The following CELF4 variants were observed in gnomAD, a reference collection of about 807,000 sequenced individuals.
The protein encoded by CELF4 is CUGBP Elav-like family member 4.
CELF4 carries 18 observed loss-of-function variants against 59.9 expected under a neutral mutation model. The ratio of observed to expected loss-of-function variants is 0.30; its 90% CI spans 0.21 to 0.45. CELF4 has a LOEUF of 0.45. CELF4 is among the 20% of genes least tolerant of loss of function. The pLI is 1.00. For synonymous variants in CELF4, 261 were observed against 267.1 expected (o/e 0.98, Z 0.22); for missense variants, 456 against 689.0 (o/e 0.66, Z 3.79).
At chr18:37,478,659 G>T (rs540743592) in intron 2 of CELF4, among the ~76,000 whole-genome samples, 2 of 152,220 alleles carry the variant, frequency 1.3e-5, no homozygotes, top group Non-Finnish European at 2.9e-5. Flanking sequence ...AGATTGAAAA[G>T]ATTTTGCATG....
intron 2 of CELF4, among the ~76,000 whole-genome samples, chr18:37,326,703 G>T (rs1337529897): frequency 6.6e-6 from 1 of 152,158 alleles, no homozygotes; most frequent in Non-Finnish European, 1.5e-5. Context: ...CTTCCAGCCG[G>T]GCGCCCCTCT....
chr18:37,304,567 G>T (rs1248231742), intron 3 of CELF4, among the ~76,000 whole-genome samples: 2 of 37,138 alleles, frequency 5.4e-5, no homozygotes, highest in African/African-American at 1.3e-4. Flanking sequence ...CAAGAATAAA[G>T]AAATGAGCTT....
intron 1 of CELF4, among the ~76,000 whole-genome samples, chr18:37,513,232 G>A (rs2099946578): frequency 2.0e-5 from 3 of 152,162 alleles, no homozygotes; most frequent in Non-Finnish European, 4.4e-5. Context: ...GGAAAACTCT[G>A]TGGTATCCCC....
At chr18:37,409,992 G>A (rs1161429844) in intron 2 of CELF4, among the ~76,000 whole-genome samples, 1 of 152,180 alleles carries the variant, frequency 6.6e-6, no homozygotes, top group Admixed American at 6.5e-5. Flanking sequence ...TTGGTTGGCT[G>A]CTAATATTGG....
At chr18:37,463,626 A>G (rs1350982009) in intron 2 of CELF4, among the ~76,000 whole-genome samples, 1 of 152,100 alleles carries the variant, frequency 6.6e-6, no homozygotes, top group Non-Finnish European at 1.5e-5. Flanking sequence ...CTACGATGCC[A>G]GCCCTCCAGG....
chr18:37,514,289 C>T (rs1031173822), intron 1 of CELF4, among the ~76,000 whole-genome samples: 3 of 152,098 alleles, frequency 2.0e-5, no homozygotes, highest in Non-Finnish European at 2.9e-5. Flanking sequence ...CCCTCTCTCT[C>T]CTAGGACGAG....
At chr18:37,347,147 C>T (rs1027426506) in intron 2 of CELF4, among the ~76,000 whole-genome samples, 1 of 151,996 alleles carries the variant, frequency 6.6e-6, no homozygotes, top group African/African-American at 2.4e-5. Context: ...CAGACAATGG[C>T]CAATACCTCA....
intron 2 of CELF4, among the ~76,000 whole-genome samples, chr18:37,419,211 CT>C (rs2154593451): frequency 6.6e-6 from 1 of 152,322 alleles, no homozygotes; most frequent in African/African-American, 2.4e-5. Flanking sequence ...CGGTTTTACT[CT>C]TTTGTTTGAT....
chr18:37,536,232 T>TG (rs1463542298), intron 1 of CELF4, among the ~76,000 whole-genome samples: 1 of 147,158 alleles, frequency 6.8e-6, no homozygotes, highest in Non-Finnish European at 1.5e-5. Flanking sequence ...ATGGGAGGGG[T>TG]GGGGTGGCAA....
At chr18:37,515,968 G>C (rs944069015) in intron 1 of CELF4, among the ~76,000 whole-genome samples, 1 of 152,156 alleles carries the variant, frequency 6.6e-6, no homozygotes, top group African/African-American at 2.4e-5. Context: ...ACTGGGCTGG[G>C]TGCATGGAGG....
Position 37,264,684 on chromosome 18 carries a change from C to G in CELF4, c.1239G>C (p.Gln413His), listed in dbSNP as rs751941280. The change falls in exon 10 of 13, where the codon CAG (glutamine) becomes CAC (histidine). Residue 413 changes from glutamine to histidine, a missense_variant. Physicochemically the swap from Gln to His is conservative, Grantham distance 24. This residue lies in a region of CELF4 where 256 missense variants were observed against 340.8 expected (regional missense o/e 0.75). Coordinates refer to ENST00000420428, the MANE Select transcript of CELF4 (RefSeq NM_020180.4). ...GGCCTGCAGACTCACCTTCTCTCTGCTGCTGGGGGATCATTGGAGGCGGCT... is the reference window on the plus strand; with the variant it reads ...GGCCTGCAGACTCACCTTCTCTCTGGTGCTGGGGGATCATTGGAGGCGGCT... ...FPQPPPMIPQ[Q>H]QREGPEGCNL... is the part of the protein sequence containing the mutation. 4.4e-6 allele frequency: 7 copies of G among 1,575,784 alleles called. No homozygotes were observed. In the East Asian group the frequency reaches 1.6e-4, roughly 37 times the overall value.
At chr18:37,503,926 T>C (rs2099934588) in intron 1 of CELF4, among the ~76,000 whole-genome samples, 1 of 152,124 alleles carries the variant, frequency 6.6e-6, no homozygotes, top group African/African-American at 2.4e-5. Context: ...AGGCCGGGGC[T>C]CAGTTGTCCT....
intron 3 of CELF4, among the ~76,000 whole-genome samples, chr18:37,320,109 G>A (rs141550836): frequency 0.013 from 1,940 of 151,964 alleles, 48 homozygotes; most frequent in East Asian, 0.088. Context: ...AGGCCGAGGC[G>A]GGCAGATCAC....
At position 37,270,927 on chromosome 18, in the gene CELF4, G is replaced by T. The variant is rs1426003533; in HGVS notation, c.950-10C>A. 3 of 1,598,520 alleles carry T rather than the reference G, an allele frequency of 1.9e-6. No homozygotes were observed. Among genetic ancestry groups the T allele is most frequent in the Non-Finnish European group, 2.6e-6 (3 of 1,171,804 alleles). ...GGAGGGGTGCTGCCACCTGGTTCCAGGCATACAGAAGGGTGGAGGAGGAGG... is the reference window on the plus strand; with the variant it reads ...GGAGGGGTGCTGCCACCTGGTTCCATGCATACAGAAGGGTGGAGGAGGAGG... On this transcript the variant is annotated splice_polypyrimidine_tract_variant and intron_variant, in intron 7 of 12. Coordinates refer to ENST00000420428, the MANE Select transcript of CELF4 (RefSeq NM_020180.4).
intron 8 of CELF4, among the ~76,000 whole-genome samples, chr18:37,269,827 G>C (rs1434591586): frequency 6.6e-6 from 1 of 152,166 alleles, no homozygotes; most frequent in Non-Finnish European, 1.5e-5. Flanking sequence ...TCATTCTGCA[G>C]ACTTAGATTG....
intron 2 of CELF4, among the ~76,000 whole-genome samples, chr18:37,327,115 C>A (rs1411961525): frequency 1.3e-5 from 2 of 152,156 alleles, no homozygotes; most frequent in African/African-American, 4.8e-5. Context: ...GGCTTGTGGG[C>A]AGACAGACAG....
intron 2 of CELF4, among the ~76,000 whole-genome samples, chr18:37,485,176 C>A (rs1169795904): frequency 1.3e-5 from 2 of 152,106 alleles, no homozygotes; most frequent in African/African-American, 2.4e-5. Flanking sequence ...CCTCCTCCCC[C>A]ACTAGAGCGG....
chr18:37,328,340 G>A (rs574734422), intron 2 of CELF4, among the ~76,000 whole-genome samples: 1 of 152,300 alleles, frequency 6.6e-6, no homozygotes, highest in African/African-American at 2.4e-5. Context: ...GCAGGGAGCT[G>A]GGGAGAGGGA....
chr18:37,526,940 C>T (rs12969739), intron 1 of CELF4, among the ~76,000 whole-genome samples: 31,196 of 152,012 alleles, frequency 0.21, 4,039 homozygotes, highest in Non-Finnish European at 0.27. Flanking sequence ...ACAAGCCACC[C>T]GACATGTCCG....
Sources: allele counts gnomAD v4.1 joint callset (sites outside exome capture counted in the v4.1 genomes callset), GRCh38; gene constraint gnomAD v4.1.1; regional missense constraint gnomAD v4.1.1; transcripts MANE v1.5; gene names NCBI Gene and HGNC (gene_info 2026-07-23, HGNC 2026-07-21).